The following CUTC variants were observed in gnomAD, a reference collection of about 807,000 sequenced individuals.
The protein encoded by CUTC is copper homeostasis protein cutC homolog.
In CUTC, 27 loss-of-function variants were observed where a neutral mutation model predicts 36.2. That is an observed-to-expected ratio of 0.75 (90% CI 0.55 to 1.03). The LOEUF is 1.03. Among genes scored for constraint, CUTC ranks in the 50% least tolerant of loss-of-function variants. CUTC has a pLI of 0.00. For synonymous variants in CUTC, 114 were observed against 118.3 expected (o/e 0.96, Z 0.24); for missense variants, 315 against 343.5 (o/e 0.92, Z 0.66).
Position 99,732,250 on chromosome 10 carries a change from C to G in CUTC, c.-99C>G, listed in dbSNP as rs1458312664. 28 of 1,524,500 alleles carry G rather than the reference C, an allele frequency of 1.8e-5. No homozygotes were observed. In the South Asian group the frequency reaches 2.0e-4, roughly 11 times the overall value. The allele number at this position is 1,524,500 out of a possible 1,614,324, so 94.4% of individuals were successfully genotyped here. ...GGCGTAGGTGTCGGGGACGCGCGCA[C>G]GGGCGCGCGCAGCTGTTGACGCGCT... On this transcript the variant is annotated 5_prime_UTR_variant, in exon 1 of 9. Transcript: ENST00000370476.
chr10:99,735,570 G>C (rs1004724243), intron 1 of CUTC, among the ~76,000 whole-genome samples: 21 of 152,166 alleles, frequency 1.4e-4, no homozygotes, highest in Admixed American at 1.1e-3. Flanking sequence ...ACGATGCCTG[G>C]CTAATTTTTG....
intron 5 of CUTC, among the ~76,000 whole-genome samples, chr10:99,746,964 T>C (rs1038574551): frequency 6.6e-6 from 1 of 152,036 alleles, no homozygotes; most frequent in Non-Finnish European, 1.5e-5. Context: ...TATGGGGTCT[T>C]GCCACATTGC....
At chr10:99,736,135 T>TA (rs1590116869) in intron 1 of CUTC, 111 bp from the exon 2 acceptor site, 3 of 773,910 alleles carry the variant, frequency 3.9e-6, no homozygotes, top group Non-Finnish European at 6.8e-6. Flanking sequence ...ACTTATCTAT[T>TA]ACCTGTTATT....
At chr10:99,754,082 A>G (rs2037438176) in intron 7 of CUTC, among the ~76,000 whole-genome samples, 1 of 152,222 alleles carries the variant, frequency 6.6e-6, no homozygotes, top group African/African-American at 2.4e-5. Flanking sequence ...TAACCTGTAT[A>G]ATACCTTGCA....
chr10:99,745,750 G>A (rs1291561362), intron 5 of CUTC, among the ~76,000 whole-genome samples: 3 of 152,150 alleles, frequency 2.0e-5, no homozygotes, highest in Non-Finnish European at 2.9e-5. Context: ...CCAGCTACTC[G>A]GGAGGCTGAG....
At chr10:99,746,857 G>A (rs574740584) in intron 5 of CUTC, among the ~76,000 whole-genome samples, 1 of 152,134 alleles carries the variant, frequency 6.6e-6, no homozygotes, top group South Asian at 2.1e-4. Context: ...CTGCAGTCTC[G>A]ACCCCTTAGG....
chr10:99,751,284 A>G (rs866802485), intron 7 of CUTC, among the ~76,000 whole-genome samples: 8 of 152,156 alleles, frequency 5.3e-5, no homozygotes, highest in Admixed American at 3.3e-4. Flanking sequence ...TGTCCCCACA[A>G]TGGTTTTTAT....
intron 3 of CUTC, among the ~76,000 whole-genome samples, chr10:99,742,354 T>A (rs1049855663): frequency 6.6e-6 from 1 of 152,128 alleles, no homozygotes; most frequent in Non-Finnish European, 1.5e-5. Flanking sequence ...GTAAAAAGTT[T>A]GTATACACAA....
intron 1 of CUTC, among the ~76,000 whole-genome samples, chr10:99,734,111 C>T (rs2037270381): frequency 6.8e-6 from 1 of 146,498 alleles, no homozygotes; most frequent in African/African-American, 2.5e-5. Context: ...CTCTTGTCGC[C>T]CAGGCTGGAG....
intron 3 of CUTC, 93 bp from the exon 4 acceptor site, chr10:99,743,060 C>T: frequency 8.1e-7 from 1 of 1,240,618 alleles, no homozygotes; most frequent in South Asian, 1.3e-5. Context: ...TCTGTCCTAC[C>T]TTTTAGAGCC....
chr10:99,732,295 G>C lies in CUTC; in HGVS notation c.-54G>C. The C allele has an allele frequency of 6.5e-7, 1 of 1,548,674 alleles. No individual in the cohort carries two copies. The highest frequency in any genetic ancestry group is 8.7e-7 in the Non-Finnish European group (1 of 1,145,924). ...CGCGCTTCTTAGCTGGTGCGCGCCG[G>C]AGCCCAAATTCCAAGTGGAAACTGC... On this transcript the variant is annotated 5_prime_UTR_variant, in exon 1 of 9. Coordinates refer to ENST00000370476, the MANE Select transcript of CUTC (RefSeq NM_015960.3).
In CUTC at chr10:99,755,993, A is replaced by T. The variant is rs1382601571; in HGVS notation, c.*254A>T. The T allele has an allele frequency of 6.2e-5, 23 of 371,164 alleles. No individual in the cohort carries two copies. 23.0% of individuals were successfully genotyped at this position (371,164 alleles called of 1,614,324 possible). A position where few individuals can be genotyped will look rare whatever the true frequency, so the allele number is the denominator to read the frequency against. ...GGTCTGTGCTTCTTCCATAGACAGAAGCTTAGTCTGTTTTCAGTGGAATTA... is the reference window on the plus strand; with the variant it reads ...GGTCTGTGCTTCTTCCATAGACAGATGCTTAGTCTGTTTTCAGTGGAATTA... On this transcript the variant is annotated 3_prime_UTR_variant, in exon 9 of 9. Transcript: ENST00000370476.
At chr10:99,752,445 A>T (rs993460405) in intron 7 of CUTC, among the ~76,000 whole-genome samples, 1 of 152,104 alleles carries the variant, frequency 6.6e-6, no homozygotes, top group Non-Finnish European at 1.5e-5. Context: ...TTTGACCTAT[A>T]ACAAGCCCTT....
intron 6 of CUTC, among the ~76,000 whole-genome samples, chr10:99,747,756 A>G (rs1215528899): frequency 1.3e-5 from 2 of 152,178 alleles, no homozygotes; most frequent in Non-Finnish European, 2.9e-5. Context: ...CTTGGGCTCA[A>G]GCCATCTGCC....
At chr10:99,740,466 G>T (rs562509656) in intron 3 of CUTC, among the ~76,000 whole-genome samples, 2 of 151,296 alleles carry the variant, frequency 1.3e-5, no homozygotes, top group Non-Finnish European at 2.9e-5. Context: ...TTTTTCCATT[G>T]TCGTCTTGCT....
chr10:99,754,107 A>G (rs996287428), intron 7 of CUTC, among the ~76,000 whole-genome samples: 1 of 152,206 alleles, frequency 6.6e-6, no homozygotes, highest in Non-Finnish European at 1.5e-5. Context: ...TCCTGTTTCC[A>G]ATGAAGTCAG....
chr10:99,752,613 A>G (rs2037427766), intron 7 of CUTC, among the ~76,000 whole-genome samples: 1 of 152,232 alleles, frequency 6.6e-6, no homozygotes, highest in Non-Finnish European at 1.5e-5. Context: ...GTTGACATTA[A>G]GAGTACCTTT....
At chr10:99,751,960 T>C (rs2037422439) in intron 7 of CUTC, among the ~76,000 whole-genome samples, 1 of 152,236 alleles carries the variant, frequency 6.6e-6, no homozygotes, top group African/African-American at 2.4e-5. Context: ...TCCTCGTGCC[T>C]CTGTATATCC....
rs2037353544 is a variant in CUTC at position 99,743,282 on chromosome 10, T to C, written c.323T>C (p.Leu108Pro). 6.2e-7 allele frequency: 1 copy of C among 1,614,194 alleles called. No individual in the cohort carries two copies. The highest frequency in any genetic ancestry group is 8.5e-7 in the Non-Finnish European group (1 of 1,180,034). ...AAGGCTGACATTCGTCTTGCCAAGC[T>C]TTATGGTGCTGATGGTTTGGTTTTT... is the stretch of plus-strand genomic sequence containing the variant. ...VMKADIRLAK[L>P]YGADGLVFGA... The change falls in exon 4 of 9, where the codon CTT becomes CCT. Residue 108 changes from leucine (L) to proline (P), a missense_variant. Leu to Pro is a moderately conservative substitution (Grantham distance 98). Coordinates refer to ENST00000370476, the MANE Select transcript of CUTC (RefSeq NM_015960.3).
Sources: allele counts gnomAD v4.1 joint callset (sites outside exome capture counted in the v4.1 genomes callset), GRCh38; gene constraint gnomAD v4.1.1; transcripts MANE v1.5; gene names NCBI Gene and HGNC (gene_info 2026-07-23, HGNC 2026-07-21).